Variants in MICALL2 observed in about 807,000 individuals in gnomAD.
MICALL2 encodes MICAL like 2, also known as MICAL-like protein 2.
Under a neutral mutation model 91.1 loss-of-function variants are expected in MICALL2, and 111 were observed. The ratio of observed to expected loss-of-function variants is 1.22; its 90% CI spans 1.04 to 1.43. The LOEUF (loss-of-function observed/expected upper bound fraction) is 1.43. Among genes scored for constraint, MICALL2 ranks in the 40% most tolerant of loss-of-function variants. The pLI is 0.00. For missense variants in MICALL2, 1,556 were observed against 1,236.0 expected (o/e 1.26, Z -3.88); for synonymous variants, 694 against 525.3 (o/e 1.32, Z -4.39).
In MICALL2 at chr7:1,439,993, T is replaced by A. The variant is rs775142226; in HGVS notation, c.1898A>T (p.His633Leu). 1.3e-6 allele frequency: 2 copies of A among 1,546,834 alleles called. No homozygotes were observed. Among genetic ancestry groups the A allele is most frequent in the South Asian group, 2.5e-5 (2 of 79,624 alleles). ...AGGCCTCACGGGGGTCAGGGTGATG[T>A]GGACACTCCCAGCAAAGCTGCCTGA... ...KVSGSFAGSVHITLTPVRPDR... is the reference protein window; with the variant it reads ...KVSGSFAGSVLITLTPVRPDR... The change falls in exon 9 of 17, where the codon CAC becomes CTC. Residue 633 changes from histidine to leucine, a missense_variant. Coordinates refer to ENST00000297508, the MANE Select transcript of MICALL2 (RefSeq NM_182924.4).
At chr7:1,441,857 G>A (rs1442581674) in intron 7 of MICALL2, 10 of 354,004 alleles carry the variant, frequency 2.8e-5, no homozygotes, top group African/African-American at 4.3e-5. Context: ...CACAGACCAC[G>A]GCCAAGCCAG....
intron 15 of MICALL2, among the ~76,000 whole-genome samples, chr7:1,435,600 G>A (rs899423196): frequency 3.9e-5 from 6 of 152,264 alleles, no homozygotes; most frequent in Admixed American, 2.6e-4. Flanking sequence ...CCAAGGCCCC[G>A]TCACGCTCCC....
intron 14 of MICALL2, chr7:1,437,212 C>T (rs1178440976): frequency 4.0e-6 from 2 of 500,002 alleles, no homozygotes; most frequent in Non-Finnish European, 7.0e-6. Context: ...AGACAAATGC[C>T]TATGGCTCGC....
chr7:1,447,073 G>A (rs1780632105), intron 4 of MICALL2, among the ~76,000 whole-genome samples: 1 of 152,106 alleles, frequency 6.6e-6, no homozygotes, highest in African/African-American at 2.4e-5. Context: ...TGGGGGCCAG[G>A]GGACAGATTC....
rs779771880 is a variant in MICALL2 at position 1,446,862 on chromosome 7, G to A, written c.526-34C>T. ...GATGCCAGCACCTCTCTGAGCAGCCGTCCACCCAGCCCTCCCTCCTGGTGG... is the reference window on the plus strand; with the variant it reads ...GATGCCAGCACCTCTCTGAGCAGCCATCCACCCAGCCCTCCCTCCTGGTGG... On this transcript the variant is annotated intron_variant, in intron 4 of 16. Transcript: ENST00000297508. 88 of 1,442,308 alleles carry A rather than the reference G, an allele frequency of 6.1e-5. No homozygotes were observed. In the East Asian group the frequency reaches 1.7e-3, roughly 28 times the overall value. 89.3% of individuals were successfully genotyped at this position (1,442,308 alleles called of 1,614,324 possible).
Position 1,438,291 on chromosome 7 carries a change from T to C in MICALL2, c.2185A>G (p.Arg729Gly). Residue 729 changes from arginine (R) to glycine (G), a missense_variant and splice_region_variant, in exon 11 of 17, where the codon AGG (arginine) becomes GGG (glycine). Transcript: ENST00000297508. ...CCCGGCTCCCCACCACTACTCACCC[T>C]GACTGGGGAGGTCACCGTCTCGCCA... ...LPGETVTSPV[R>G]LHPDYLSPEE... 6.3e-7 allele frequency: 1 copy of C among 1,598,788 alleles called. No homozygotes were observed. The highest frequency in any genetic ancestry group is 1.1e-5 in the South Asian group (1 of 88,684).
chr7:1,437,671 A>C, intron 13 of MICALL2, 63 bp from the exon 14 acceptor site: 1 of 1,496,170 alleles, frequency 6.7e-7, no homozygotes, highest in African/African-American at 1.4e-5. Context: ...TGGCCCGCCC[A>C]GCCCGCAACG....
At position 1,439,915 on chromosome 7, in the gene MICALL2, C is replaced by T. The variant is rs1431616092; in HGVS notation, c.1966+10G>A. 15 of 1,449,266 alleles carry T rather than the reference C, an allele frequency of 1.0e-5. No individual in the cohort carries two copies. The East Asian group carries it at 3.9e-4, about 38-fold the overall frequency. 89.8% of individuals were successfully genotyped at this position (1,449,266 alleles called of 1,614,324 possible). A position where few individuals can be genotyped will look rare whatever the true frequency, so the allele number is the denominator to read the frequency against. ...CAACCCGGGGGCCCCTGGGTCCCGT[C>T]CAGGAGTACCTGGGAGGCTGGGTCC... On this transcript the variant is annotated intron_variant, in intron 9 of 16. Transcript: ENST00000297508.
chr7:1,455,670 G>A (rs1464579221), intron 1 of MICALL2, among the ~76,000 whole-genome samples: 1 of 151,912 alleles, frequency 6.6e-6, no homozygotes, highest in Non-Finnish European at 1.5e-5. Context: ...GCAGAACCAG[G>A]AGCCCGGGTG....
chr7:1,438,493 G>C (rs1169402077), intron 10 of MICALL2, 140 bp from the exon 11 acceptor site: 1 of 1,470,392 alleles, frequency 6.8e-7, no homozygotes, highest in Non-Finnish European at 9.0e-7. Context: ...ACGCCCACTG[G>C]ACTGCCCTGA....
At chr7:1,439,694 TGCATCACGCATGGATACAG>T (rs1219763108) in intron 9 of MICALL2, 2 of 425,086 alleles carry the variant, frequency 4.7e-6, no homozygotes. Flanking sequence ...TGCGCACACA[TGCATCACGCATGGATACAG>T]GCATCACATA....
chr7:1,458,065 C>A (rs918429432), intron 1 of MICALL2, among the ~76,000 whole-genome samples: 1 of 152,256 alleles, frequency 6.6e-6, no homozygotes, highest in African/African-American at 2.4e-5. Flanking sequence ...AAATGGAAGC[C>A]CCTGGTGGCT....
chr7:1,439,900 G>A, intron 9 of MICALL2, 25 bp downstream of exon 9: 1 of 1,409,566 alleles, frequency 7.1e-7, no homozygotes, highest in Non-Finnish European at 9.2e-7. Context: ...CAACCCGGGG[G>A]CCCCTGGGTC....
At chr7:1,435,870 G>T (rs374909936) in intron 15 of MICALL2, among the ~76,000 whole-genome samples, 104 of 151,688 alleles carry the variant, frequency 6.9e-4, no homozygotes, top group East Asian at 1.9e-3. Context: ...GCTAACATGG[G>T]GAAACCCCGT....
rs544195269 is a variant in MICALL2, at chr7:1,459,453, C to A, written c.-127G>T. On this transcript the variant is annotated 5_prime_UTR_variant, in exon 1 of 17. Coordinates refer to ENST00000297508, the MANE Select transcript of MICALL2 (RefSeq NM_182924.4). ...GAACCGCCAGACCCACGGCGCCCAG[C>A]CCCAGCTGAGCCGGACTGAGGGCGA... 2.2e-6 allele frequency: 2 copies of A among 918,376 alleles called. No individual in the cohort carries two copies. The highest frequency in any genetic ancestry group is 4.3e-5 in the Admixed American group (1 of 23,050). 56.9% of individuals were successfully genotyped at this position (918,376 alleles called of 1,614,324 possible). A position where few individuals can be genotyped will look rare whatever the true frequency, so the allele number is the denominator to read the frequency against.
intron 13 of MICALL2, 66 bp from the exon 14 acceptor site, chr7:1,437,674 C>T: frequency 4.7e-6 from 7 of 1,490,446 alleles, no homozygotes; most frequent in Non-Finnish European, 6.3e-6. Context: ...CCCGCCCAGC[C>T]CGCAACGAGG....
At chr7:1,439,347 T>G (rs1158373939) in intron 9 of MICALL2, 2 of 260,836 alleles carry the variant, frequency 7.7e-6, no homozygotes, top group African/African-American at 2.2e-5. Flanking sequence ...TGGACACACA[T>G]GCATCACATT....
Position 1,442,196 on chromosome 7 carries a change from C to T in MICALL2, c.1707G>A (p.Thr569=), listed in dbSNP as rs139910409. The T allele has an allele frequency of 6.6e-5, 106 of 1,612,368 alleles. No homozygotes were observed. In the African/African-American group the frequency reaches 8.1e-4, roughly 12 times the overall value. ...PMAKGKSTTL[T]QDMSTSLQEG... The stretch of plus-strand genomic sequence containing the variant: ...GCCTCCCAGCCCCTTACTCACCCTG[C>T]GTTAAGGTGGTGCTTTTACCCTTTG... Residue 569 remains threonine, a synonymous_variant, in exon 7 of 17, where the codon ACG becomes ACA. Transcript: ENST00000297508.
chr7:1,437,907 C>A lies in MICALL2; in HGVS notation c.2385G>T (p.Glu795Asp). Residue 795 changes from glutamate (E) to aspartate (D), a missense_variant, in exon 13 of 17, where the codon GAG becomes GAT. Physicochemically the swap from Glu to Asp is conservative, Grantham distance 45. Transcript: ENST00000297508. Reference sequence around the variant, plus strand: ...GCTCTCACTTGTACATCAGCTCTGACTCCTGTCTCAGCAGAAGCTGCTTCT... The same window carrying A: ...GCTCTCACTTGTACATCAGCTCTGAATCCTGTCTCAGCAGAAGCTGCTTCT... Reference protein sequence around the residue: ...IHEKQLLLRQESELMYKSKAQ... With the variant: ...IHEKQLLLRQDSELMYKSKAQ... 2 of 1,549,232 alleles carry A rather than the reference C, an allele frequency of 1.3e-6. No homozygotes were observed. The highest frequency in any genetic ancestry group is 1.7e-6 in the Non-Finnish European group (2 of 1,146,868).
Sources: gnomAD v4.1 joint callset for allele counts (sites outside exome capture counted in the v4.1 genomes callset) on GRCh38, gnomAD v4.1.1 for gene constraint, MANE v1.5 for transcripts, NCBI Gene and HGNC (gene_info 2026-07-23, HGNC 2026-07-21) for gene names.